The following PLEKHA6 variants were observed in gnomAD, a reference collection of about 807,000 sequenced individuals.
PLEKHA6 encodes pleckstrin homology domain-containing family A member 6.
In PLEKHA6, 60 loss-of-function variants were observed where a neutral mutation model predicts 116.7. The ratio of observed to expected loss-of-function variants is 0.51; its 90% CI spans 0.42 to 0.64. The LOEUF (loss-of-function observed/expected upper bound fraction) is 0.64, where lower values mean the gene tolerates loss of function less well. Among genes scored for constraint, PLEKHA6 ranks in the 30% least tolerant of loss-of-function variants. PLEKHA6 has a pLI of 0.00. For missense variants in PLEKHA6, 1,338 were observed against 1,422.7 expected (o/e 0.94, Z 0.96); for synonymous variants, 489 against 556.1 (o/e 0.88, Z 1.70).
At chr1:204,294,842 G>A (rs903032573) in intron 1 of PLEKHA6, among the ~76,000 whole-genome samples, 4 of 152,176 alleles carry the variant, frequency 2.6e-5, no homozygotes, top group Non-Finnish European at 4.4e-5. Context: ...GAAAGGTTCT[G>A]GCACTTAGTA....
chr1:204,245,847 TACACACACACAC>T (rs58927549), intron 13 of PLEKHA6, 121 bp from the exon 14 acceptor site: 31 of 551,696 alleles, frequency 5.6e-5, no homozygotes, highest in South Asian at 2.0e-4. Flanking sequence ...GCACCCTGTG[TACACACACACAC>T]ACACACACAC....
At chr1:204,368,008 C>T (rs1220083438) in intron 2 of PLEKHA6, among the ~76,000 whole-genome samples, 3 of 152,196 alleles carry the variant, frequency 2.0e-5, no homozygotes, top group African/African-American at 4.8e-5. Context: ...CCAACCATTC[C>T]ATCCTTTTTT....
chr1:204,328,430 C>G (rs1572187241), intron 1 of PLEKHA6, among the ~76,000 whole-genome samples: 1 of 149,284 alleles, frequency 6.7e-6, no homozygotes, highest in Non-Finnish European at 1.5e-5. Flanking sequence ...GAGTTTCGCT[C>G]TTGTTGCCCA....
intron 9 of PLEKHA6, among the ~76,000 whole-genome samples, chr1:204,255,337 G>T (rs578192660): frequency 1.3e-5 from 2 of 152,258 alleles, no homozygotes; most frequent in South Asian, 4.1e-4. Flanking sequence ...ATTCCCACCT[G>T]CCCCCTGGGG....
intron 1 of PLEKHA6, among the ~76,000 whole-genome samples, chr1:204,342,768 G>C (rs549083552): frequency 6.6e-6 from 1 of 152,330 alleles, no homozygotes; most frequent in South Asian, 2.1e-4. Context: ...AGGAGCTAGA[G>C]TTGGAGGTAA....
Position 204,267,563 on chromosome 1 carries a change from G to A in PLEKHA6, c.208-16C>T, listed in dbSNP as rs748989124. The A allele has an allele frequency of 1.2e-6, 2 of 1,612,528 alleles. No homozygotes were observed. The highest frequency in any genetic ancestry group is 1.7e-6 in the Non-Finnish European group (2 of 1,178,548). ...CGGAGCTGGCCTGCGGGACATGGGA[G>A]AGGCAGATGTGAGGGCTGCAAGCTG... On this transcript the variant is annotated splice_polypyrimidine_tract_variant and intron_variant, in intron 4 of 22. Transcript: ENST00000272203.
At chr1:204,315,266 G>T (rs1477264398) in intron 1 of PLEKHA6, among the ~76,000 whole-genome samples, 3 of 152,110 alleles carry the variant, frequency 2.0e-5, no homozygotes, top group Non-Finnish European at 1.5e-5. Flanking sequence ...GAAATCCTCA[G>T]TGGTTACCCC....
At chr1:204,231,185 C>T (rs1038559602) in intron 17 of PLEKHA6, among the ~76,000 whole-genome samples, 3 of 152,222 alleles carry the variant, frequency 2.0e-5, no homozygotes, top group African/African-American at 4.8e-5. Context: ...AATTGGCTAA[C>T]GGGTAGAGGT....
chr1:204,268,319 G>T lies in PLEKHA6; in HGVS notation c.103-7C>A, dbSNP rs1303785540. On this transcript the variant is annotated splice_region_variant and splice_polypyrimidine_tract_variant and intron_variant, in intron 3 of 22. Coordinates refer to ENST00000272203, the MANE Select transcript of PLEKHA6 (RefSeq NM_014935.5). Reference sequence around the variant, plus strand: ...TGCGGGCTGTGCGAGTTGCCTGGGGGCAGAGAGAGAAGCTGATCTAGGTCC... The same window carrying T: ...TGCGGGCTGTGCGAGTTGCCTGGGGTCAGAGAGAGAAGCTGATCTAGGTCC... 21 of 1,595,668 alleles carry T rather than the reference G, an allele frequency of 1.3e-5. No individual in the cohort carries two copies. Among genetic ancestry groups the T allele is most frequent in the Non-Finnish European group, 1.8e-5 (21 of 1,169,088 alleles).
chr1:204,292,481 ATGTCCCTCACCCTGGCTGATACCCACCTG>A, intron 1 of PLEKHA6, among the ~76,000 whole-genome samples: 1 of 151,512 alleles, frequency 6.6e-6, no homozygotes, highest in African/African-American at 2.4e-5. Context: ...CCCGGGCACT[ATGTCCCTCACCCTGGCTGATACCCACCTG>A]TGTCCCTCAC....
chr1:204,230,631 C>T, intron 17 of PLEKHA6, 45 bp from the exon 18 acceptor site: 1 of 1,517,866 alleles, frequency 6.6e-7, no homozygotes, highest in East Asian at 2.4e-5. Context: ...CCTTATCCCC[C>T]ACCCAGCTTT....
In PLEKHA6 at chr1:204,268,306, G is replaced by A. The variant is rs145088130; in HGVS notation, c.109C>T (p.Arg37Cys). 5.8e-5 allele frequency: 93 copies of A among 1,605,892 alleles called. No homozygotes were observed. In the African/African-American group the frequency reaches 7.9e-4, roughly 14 times the overall value. ...PPERPSVRATRTARKAVAFGK... is the reference protein window; with the variant it reads ...PPERPSVRATCTARKAVAFGK... The stretch of plus-strand genomic sequence containing the variant: ...AAGGCGACGGCTTTGCGGGCTGTGC[G>A]AGTTGCCTGGGGGCAGAGAGAGAAG... The change falls in exon 4 of 23, where the codon CGC becomes TGC. Residue 37 changes from arginine (R) to cysteine (C), a missense_variant. Coordinates refer to ENST00000272203, the MANE Select transcript of PLEKHA6 (RefSeq NM_014935.5).
intron 1 of PLEKHA6, among the ~76,000 whole-genome samples, chr1:204,343,888 ACT>A (rs1672934956): frequency 6.6e-6 from 1 of 152,094 alleles, no homozygotes; most frequent in African/African-American, 2.4e-5. Flanking sequence ...GGAAAAATAG[ACT>A]CTGACACCAG....
At chr1:204,274,291 T>C (rs1434225519) in intron 2 of PLEKHA6, among the ~76,000 whole-genome samples, 1 of 152,202 alleles carries the variant, frequency 6.6e-6, no homozygotes, top group Non-Finnish European at 1.5e-5. Context: ...CCTTCTACTT[T>C]AAAAGACACA....
chr1:204,265,165 C>A, intron 5 of PLEKHA6, 123 bp from the exon 6 acceptor site: 1 of 723,132 alleles, frequency 1.4e-6, no homozygotes, highest in Non-Finnish European at 2.5e-6. Context: ...TGTTGTTCAC[C>A]TCCTGTTTGT....
Position 204,249,227 on chromosome 1 carries a change from A to C in PLEKHA6, c.1631T>G (p.Val544Gly). ...CTGCACCAGCCGGTCCTGCTCCCTC[A>C]CCACCTTGTTCTGCTCACACAATTT... ...LGKLCEQNKV[V>G]REQDRLVQQL... Residue 544 changes from valine to glycine, a missense_variant, in exon 11 of 23, where the codon GTG (valine) becomes GGG (glycine). Val to Gly is a moderately radical substitution (Grantham distance 109, BLOSUM62 -3). This residue lies in a region of PLEKHA6 where 1,136 missense variants were observed against 1,163.6 expected (regional missense o/e 0.98). Transcript: ENST00000272203. 1 of 1,613,822 alleles carries C rather than the reference A, an allele frequency of 6.2e-7. No homozygotes were observed. The highest frequency in any genetic ancestry group is 8.5e-7 in the Non-Finnish European group (1 of 1,179,790).
rs1233452076 is a variant in PLEKHA6 at position 204,259,171 on chromosome 1, AG to A, written c.1007+86del. ...AGCCTGCTTCCAGAAGGTTTCCAAC[AG>A]GGGATGCCTCGTGGGCTATGACCCC... On this transcript the variant is annotated intron_variant, in intron 8 of 22. Coordinates refer to ENST00000272203, the MANE Select transcript of PLEKHA6 (RefSeq NM_014935.5). The surrounding 1 kb of genome is among the most constrained non-coding windows in gnomAD (Gnocchi z 4.6). 24 of 1,443,878 alleles carry A rather than the reference AG, an allele frequency of 1.7e-5. No homozygotes were observed. In the Admixed American group the frequency reaches 4.6e-4, roughly 28 times the overall value. 89.4% of individuals were successfully genotyped at this position (1,443,878 alleles called of 1,614,324 possible).
At chr1:204,229,169 C>A in intron 18 of PLEKHA6, 65 bp from the exon 19 acceptor site, 1 of 1,513,572 alleles carries the variant, frequency 6.6e-7, no homozygotes, top group Admixed American at 1.7e-5. Flanking sequence ...TCTAGCTATG[C>A]CCTGTCCTCG....
chr1:204,361,599 C>A (rs557437814), upstream of PLEKHA6, among the ~76,000 whole-genome samples: 61 of 152,354 alleles, frequency 4.0e-4, no homozygotes, highest in Non-Finnish European at 5.7e-4. Context: ...TGTTCCCCTG[C>A]CCAGCTGAGA....
Sources: gnomAD v4.1 joint callset for allele counts (sites outside exome capture counted in the v4.1 genomes callset) on GRCh38, gnomAD v4.1.1 for gene constraint, gnomAD v4.1.1 regional missense constraint, Gnocchi (gnomAD v3.1) non-coding constraint, MANE v1.5 for transcripts, NCBI Gene and HGNC (gene_info 2026-07-23, HGNC 2026-07-21) for gene names.